Variants in TNFRSF11B observed in about 807,000 individuals in gnomAD.
The protein encoded by TNFRSF11B is tumor necrosis factor receptor superfamily member 11B.
A neutral mutation model predicts 43.4 loss-of-function variants in TNFRSF11B; 16 were observed. The ratio of observed to expected loss-of-function variants is 0.37; its 90% CI spans 0.25 to 0.56. TNFRSF11B has a LOEUF of 0.56. TNFRSF11B is among the 20% of genes least tolerant of loss of function. The pLI is 0.80. For synonymous variants in TNFRSF11B, 185 were observed against 181.8 expected (o/e 1.02, Z -0.14); for missense variants, 444 against 490.1 (o/e 0.91, Z 0.89).
At chr8:118,925,779 C>T (rs956373648) in intron 4 of TNFRSF11B, among the ~76,000 whole-genome samples, 1 of 152,190 alleles carries the variant, frequency 6.6e-6, no homozygotes, top group African/African-American at 2.4e-5. Flanking sequence ...CTCTTTCCAT[C>T]ATGTGTCGTA....
intron 1 of TNFRSF11B, among the ~76,000 whole-genome samples, chr8:118,938,348 A>C (rs1586957897): frequency 6.6e-6 from 1 of 152,258 alleles, no homozygotes; most frequent in African/African-American, 2.4e-5. Context: ...GGAAGAATAA[A>C]CAATATATAT....
At chr8:118,943,216 T>C (rs1029804392) in intron 1 of TNFRSF11B, among the ~76,000 whole-genome samples, 2 of 152,290 alleles carry the variant, frequency 1.3e-5, no homozygotes, top group East Asian at 1.9e-4. Flanking sequence ...GATTGTACTT[T>C]CTAAAAGGTA....
intron 1 of TNFRSF11B, among the ~76,000 whole-genome samples, chr8:118,939,935 GAGAT>G (rs1251818987): frequency 6.6e-6 from 1 of 152,156 alleles, no homozygotes; most frequent in Non-Finnish European, 1.5e-5. Flanking sequence ...TTAAATAAAA[GAGAT>G]AGCACAGATA....
chr8:118,951,730 G>C (rs1812649434), intron 1 of TNFRSF11B, 62 bp downstream of exon 1: 3 of 1,505,968 alleles, frequency 2.0e-6, no homozygotes, highest in Non-Finnish European at 2.7e-6. Context: ...GGGAGGTTGG[G>C]AGACCAGGTG....
chr8:118,926,628 G>C lies in TNFRSF11B; in HGVS notation c.683C>G (p.Pro228Arg). Residue 228 changes from proline to arginine, a missense_variant, in exon 4 of 5, where the codon CCT (proline) becomes CGT (arginine). Pro to Arg is a moderately radical substitution (Grantham distance 103). Transcript: ENST00000297350. Reference sequence around the variant, plus strand: ...ACTCTCTGCGTTTACTTTGGTGCCAGGCAAATTGTCTACCAAGACACTAAG... The same window carrying C: ...ACTCTCTGCGTTTACTTTGGTGCCACGCAAATTGTCTACCAAGACACTAAG... ...NWLSVLVDNL[P>R]GTKVNAESVE... 6.2e-7 allele frequency: 1 copy of C among 1,614,064 alleles called. No individual in the cohort carries two copies. Among genetic ancestry groups the C allele is most frequent in the Non-Finnish European group, 8.5e-7 (1 of 1,179,994 alleles).
At chr8:118,930,047 C>T (rs1286353044) in intron 2 of TNFRSF11B, among the ~76,000 whole-genome samples, 1 of 151,984 alleles carries the variant, frequency 6.6e-6, no homozygotes, top group African/African-American at 2.4e-5. Context: ...CATTGACCTG[C>T]AAAAATGACA....
intron 2 of TNFRSF11B, 174 bp from the exon 3 acceptor site, chr8:118,929,103 A>C: frequency 1.6e-6 from 1 of 637,266 alleles, no homozygotes; most frequent in Non-Finnish European, 2.7e-6. Flanking sequence ...AACTTCCACC[A>C]TCATCCCCTT....
At chr8:118,941,876 G>A (rs534016493) in intron 1 of TNFRSF11B, among the ~76,000 whole-genome samples, 196 of 152,240 alleles carry the variant, frequency 1.3e-3, no homozygotes, top group Non-Finnish European at 2.4e-3. Context: ...TTAGTCATCA[G>A]ATTTGAGAAT....
intron 1 of TNFRSF11B, among the ~76,000 whole-genome samples, chr8:118,935,792 C>T (rs941562402): frequency 7.2e-6 from 1 of 139,118 alleles, no homozygotes; most frequent in African/African-American, 2.4e-5. Flanking sequence ...TTCAAGAGGC[C>T]TGGCTTAGAG....
intron 1 of TNFRSF11B, among the ~76,000 whole-genome samples, chr8:118,934,304 C>T (rs1465352156): frequency 6.6e-6 from 1 of 152,190 alleles, no homozygotes; most frequent in African/African-American, 2.4e-5. Flanking sequence ...GCTTGCAGTT[C>T]ACCGAAAAGA....
At chr8:118,945,003 G>A (rs1812536801) in intron 1 of TNFRSF11B, among the ~76,000 whole-genome samples, 1 of 152,010 alleles carries the variant, frequency 6.6e-6, no homozygotes, top group African/African-American at 2.4e-5. Flanking sequence ...ATGTGTCTCA[G>A]AATGAGAAAA....
At chr8:118,949,178 C>A (rs1257540436) in intron 1 of TNFRSF11B, among the ~76,000 whole-genome samples, 8 of 152,046 alleles carry the variant, frequency 5.3e-5, no homozygotes, top group Non-Finnish European at 1.2e-4. Flanking sequence ...TGCTTGCCTA[C>A]CAGCATACCC....
At chr8:118,949,117 A>T (rs944340645) in intron 1 of TNFRSF11B, among the ~76,000 whole-genome samples, 3 of 152,062 alleles carry the variant, frequency 2.0e-5, no homozygotes, top group African/African-American at 7.2e-5. Context: ...AGGAAAGCCC[A>T]TGTCTATGAC....
chr8:118,948,950 C>T (rs551877728), intron 1 of TNFRSF11B, among the ~76,000 whole-genome samples: 2 of 152,144 alleles, frequency 1.3e-5, no homozygotes, highest in Non-Finnish European at 2.9e-5. Flanking sequence ...CTTCTCCACC[C>T]CAACTCCTAG....
chr8:118,939,235 A>G (rs774109302), intron 1 of TNFRSF11B, among the ~76,000 whole-genome samples: 2 of 152,062 alleles, frequency 1.3e-5, no homozygotes, highest in Non-Finnish European at 2.9e-5. Flanking sequence ...TTTATATTAT[A>G]CCTCCTCTCC....
At chr8:118,941,971 C>T (rs1812493580) in intron 1 of TNFRSF11B, among the ~76,000 whole-genome samples, 1 of 152,156 alleles carries the variant, frequency 6.6e-6, no homozygotes, top group Admixed American at 6.5e-5. Context: ...ACCTGACAAG[C>T]ACAAGGGTAG....
chr8:118,937,997 T>G (rs1028389588), intron 1 of TNFRSF11B, among the ~76,000 whole-genome samples: 1 of 152,216 alleles, frequency 6.6e-6, no homozygotes, highest in African/African-American at 2.4e-5. Flanking sequence ...TTAAATGCGC[T>G]AACTGATTTT....
chr8:118,927,551 AT>A (rs10675780), intron 3 of TNFRSF11B, among the ~76,000 whole-genome samples: 212 of 136,178 alleles, frequency 1.6e-3, no homozygotes, highest in African/African-American at 4.3e-3. Flanking sequence ...CCCTTCCTTC[AT>A]TTTTTTTTTT....
intron 1 of TNFRSF11B, among the ~76,000 whole-genome samples, chr8:118,942,203 T>G (rs914977149): frequency 1.5e-5 from 2 of 137,174 alleles, no homozygotes; most frequent in African/African-American, 5.9e-5. Context: ...TATCTCCTAA[T>G]GCTATCCCTT....
Sources: allele counts gnomAD v4.1 joint callset (sites outside exome capture counted in the v4.1 genomes callset), GRCh38; gene constraint gnomAD v4.1.1; transcripts MANE v1.5; gene names NCBI Gene and HGNC (gene_info 2026-07-23, HGNC 2026-07-21).